The following PLXNC1 variants were observed in gnomAD, a reference collection of about 807,000 sequenced individuals.
PLXNC1 encodes the protein plexin-C1.
Under a neutral mutation model 178.2 loss-of-function variants are expected in PLXNC1, and 75 were observed. That is an observed-to-expected ratio of 0.42 (90% confidence interval 0.35 to 0.51). The LOEUF is 0.51. Among genes scored for constraint, PLXNC1 ranks in the 20% least tolerant of loss-of-function variants. The pLI is 0.02. For synonymous variants in PLXNC1, 790 were observed against 779.9 expected (o/e 1.01, Z -0.22); for missense variants, 1,503 against 1,984.4 (o/e 0.76, Z 4.61).
intron 24 of PLXNC1, 107 bp from the exon 25 acceptor site, chr12:94,297,082 G>GTAAC: frequency 9.4e-7 from 1 of 1,060,004 alleles, no homozygotes; most frequent in Non-Finnish European, 1.4e-6. Context: ...AAAAGCTCAA[G>GTAAC]TAACTTCAGT....
intron 10 of PLXNC1, among the ~76,000 whole-genome samples, chr12:94,238,025 C>A (rs1964287420): frequency 6.6e-6 from 1 of 152,072 alleles, no homozygotes; most frequent in African/African-American, 2.4e-5. Context: ...TGTTATTCCC[C>A]AAAAATCTCA....
chr12:94,192,181 C>A (rs988001787), intron 4 of PLXNC1, among the ~76,000 whole-genome samples: 3 of 152,112 alleles, frequency 2.0e-5, no homozygotes, highest in African/African-American at 7.2e-5. Context: ...TATTGAACAC[C>A]TAGTGAGAGC....
At chr12:94,153,229 A>T (rs1389766793) in intron 1 of PLXNC1, among the ~76,000 whole-genome samples, 5 of 152,182 alleles carry the variant, frequency 3.3e-5, no homozygotes, top group Non-Finnish European at 5.9e-5. Flanking sequence ...CAATGTCTAC[A>T]TCTCTACTCT....
chr12:94,304,228 C>G (rs1314421447), intron 30 of PLXNC1, 177 bp downstream of exon 30: 2 of 515,130 alleles, frequency 3.9e-6, no homozygotes, highest in Non-Finnish European at 7.0e-6. Flanking sequence ...TGGCTGCCCC[C>G]CTTACAGTTT....
chr12:94,257,623 A>C (rs915699365), intron 17 of PLXNC1, among the ~76,000 whole-genome samples: 3 of 152,124 alleles, frequency 2.0e-5, no homozygotes, highest in African/African-American at 7.2e-5. Context: ...AAAATACACA[A>C]TTAGCCAGGC....
intron 5 of PLXNC1, among the ~76,000 whole-genome samples, chr12:94,213,342 A>G (rs1963549300): frequency 6.6e-6 from 1 of 152,162 alleles, no homozygotes; most frequent in African/African-American, 2.4e-5. Flanking sequence ...AATGATCGCC[A>G]TTCTAACTGG....
intron 1 of PLXNC1, among the ~76,000 whole-genome samples, chr12:94,166,642 C>A (rs1486417017): frequency 6.6e-6 from 1 of 151,740 alleles, no homozygotes; most frequent in Non-Finnish European, 1.5e-5. Context: ...GAAAGCTAAC[C>A]CCTAACAGCA....
At chr12:94,186,019 GAGT>G (rs1962494987) in intron 3 of PLXNC1, 1 of 209,052 alleles carries the variant, frequency 4.8e-6, no homozygotes, top group African/African-American at 2.3e-5. Flanking sequence ...CTTTTGGGAG[GAGT>G]GCTTTGAGCC....
intron 2 of PLXNC1, among the ~76,000 whole-genome samples, chr12:94,170,272 CA>C (rs151053216): frequency 8.2e-4 from 125 of 152,208 alleles, no homozygotes; most frequent in African/African-American, 3.0e-3. Context: ...CTAGACAACC[CA>C]GAAAAACGCT....
chr12:94,188,397 A>C lies in PLXNC1; in HGVS notation c.1439+1924A>C, dbSNP rs548456046. ...GGGTGCAGTGGCATGATCTTGGCTC[A>C]CTGCAACCTCCACCTCCCAGGTTCA... On this transcript the variant is annotated intron_variant, in intron 4 of 30. Coordinates refer to ENST00000258526, the MANE Select transcript of PLXNC1 (RefSeq NM_005761.3). Among the ~76,000 whole-genome samples, 3 of 140,070 alleles carry C rather than the reference A, an allele frequency of 2.1e-5. No individual in the cohort carries two copies. In the South Asian group the frequency reaches 6.6e-4, roughly 31 times the overall value. The allele number at this position is 140,070 out of a possible 152,430, so 91.9% of individuals were successfully genotyped here.
chr12:94,186,361 C>G lies in PLXNC1; in HGVS notation c.1339-12C>G. 6.3e-7 allele frequency: 1 copy of G among 1,588,968 alleles called. No homozygotes were observed. Among genetic ancestry groups the G allele is most frequent in the Non-Finnish European group, 8.6e-7 (1 of 1,157,146 alleles). ...ATAATTCCATCTGAACCATTGTCCT[C>G]TTTCCTTTTAGGTGAGGAGAATTCG... is the stretch of plus-strand genomic sequence containing the variant. On this transcript the variant is annotated splice_polypyrimidine_tract_variant and intron_variant, in intron 3 of 30. Coordinates refer to ENST00000258526, the MANE Select transcript of PLXNC1 (RefSeq NM_005761.3).
intron 4 of PLXNC1, among the ~76,000 whole-genome samples, chr12:94,188,357 T>C (rs962086238): frequency 6.7e-5 from 10 of 148,512 alleles, no homozygotes; most frequent in Non-Finnish European, 8.9e-5. Flanking sequence ...GACTCTGGCT[T>C]TGTCTCCCAG....
intron 23 of PLXNC1, among the ~76,000 whole-genome samples, chr12:94,290,033 A>G (rs1227028813): frequency 1.3e-5 from 2 of 152,306 alleles, no homozygotes; most frequent in East Asian, 1.9e-4. Context: ...AGCGTTCCTT[A>G]TCAGAAGGCC....
rs1258988095 is a variant in PLXNC1 at position 94,149,768 on chromosome 12, G to T, written c.797G>T (p.Arg266Leu). Residue 266 changes from arginine (R) to leucine (L), a missense_variant, in exon 1 of 31, where the codon CGC becomes CTC. Around this residue, in one of 4 missense-constraint regions of PLXNC1, gnomAD observed 615 missense variants for 698.6 expected, o/e 0.88. Coordinates refer to ENST00000258526, the MANE Select transcript of PLXNC1 (RefSeq NM_005761.3). ...GCCACCGGCTGGCCCAGCATGGCGC[G>T]CATCGCGCAGAGCACCGAGGTGCTG... The part of the protein sequence containing the change: ...GAATGWPSMA[R>L]IAQSTEVLFQ... 52 of 1,608,506 alleles carry T rather than the reference G, an allele frequency of 3.2e-5. 1 individual carries two copies. The Admixed American group carries it at 8.7e-4, about 27-fold the overall frequency.
chr12:94,265,360 CAGT>C (rs1306765024), intron 21 of PLXNC1, 135 bp downstream of exon 21: 3 of 708,000 alleles, frequency 4.2e-6, no homozygotes, highest in African/African-American at 1.7e-5. Context: ...TAATTAAAAA[CAGT>C]AGTTGATAAA....
chr12:94,188,745 C>T (rs1331463123), intron 4 of PLXNC1, among the ~76,000 whole-genome samples: 2 of 152,210 alleles, frequency 1.3e-5, no homozygotes, highest in South Asian at 2.1e-4. Context: ...TTCAGTCTTT[C>T]AGCAGGTGGA....
intron 21 of PLXNC1, among the ~76,000 whole-genome samples, chr12:94,266,458 G>T (rs1436546730): frequency 6.6e-6 from 1 of 152,192 alleles, no homozygotes; most frequent in Non-Finnish European, 1.5e-5. Flanking sequence ...TAGCAGAATC[G>T]CCCAGAAAGC....
chr12:94,306,616 A>AATCC lies in PLXNC1; in HGVS notation c.*1332_*1335dup, dbSNP rs1465235587. 5.3e-5 allele frequency: 8 copies of AATCC among 152,200 alleles called. No homozygotes were observed. The highest frequency in any genetic ancestry group is 5.2e-4 in the Admixed American group (8 of 15,270). 9.4% of individuals were successfully genotyped at this position (152,200 alleles called of 1,614,324 possible). A position where few individuals can be genotyped will look rare whatever the true frequency, so the allele number is the denominator to read the frequency against. ...GGCACCTTTTACCCTTGGTGCTCCA[A>AATCC]ATCCCCCATCTAGGAAAGAAAATTT... is the stretch of plus-strand genomic sequence containing the variant. On this transcript the variant is annotated 3_prime_UTR_variant, in exon 31 of 31. Coordinates refer to ENST00000258526, the MANE Select transcript of PLXNC1 (RefSeq NM_005761.3).
At chr12:94,155,607 A>G (rs1425210314) in intron 1 of PLXNC1, among the ~76,000 whole-genome samples, 1 of 152,232 alleles carries the variant, frequency 6.6e-6, no homozygotes, top group African/African-American at 2.4e-5. Context: ...GATCAAAGGC[A>G]GTACCTAGAA....
Sources: allele counts gnomAD v4.1 joint callset (sites outside exome capture counted in the v4.1 genomes callset), GRCh38; gene constraint gnomAD v4.1.1; regional missense constraint gnomAD v4.1.1; transcripts MANE v1.5; gene names NCBI Gene and HGNC (gene_info 2026-07-23, HGNC 2026-07-21).